Variants in MEOX2 observed in about 807,000 individuals in gnomAD.
The protein encoded by MEOX2 is mesenchyme homeobox 2, also known as homeobox protein MOX-2.
Under a neutral mutation model 27.0 loss-of-function variants are expected in MEOX2, and 11 were observed. That is an observed-to-expected ratio of 0.41 (90% confidence interval 0.26 to 0.68). The LOEUF (loss-of-function observed/expected upper bound fraction) is 0.68. Ranked by LOEUF, MEOX2 falls within the 30% of genes least tolerant of loss-of-function variation. The pLI is 0.33. For missense variants in MEOX2, 436 were observed against 385.4 expected, an observed-to-expected ratio of 1.13 and a Z score of -1.10; for synonymous variants, 189 against 155.4, an observed-to-expected ratio of 1.22 and a Z score of -1.61.
intron 1 of MEOX2, chr7:15,679,410 A>G (rs1341587791): frequency 6.6e-6 from 1 of 152,148 alleles, no homozygotes; most frequent in Non-Finnish European, 1.5e-5. Flanking sequence ...AATGTAGCCT[A>G]TGCAAGCTTT....
At chr7:15,681,655 A>G (rs1169509082) in intron 1 of MEOX2, 1 of 151,742 alleles carries the variant, frequency 6.6e-6, no homozygotes, top group Non-Finnish European at 1.5e-5. Context: ...TGAACGGTCT[A>G]TGTTTTGAAA....
chr7:15,628,848 G>T (rs1056963844), intron 1 of MEOX2, among the ~76,000 whole-genome samples: 1 of 152,008 alleles, frequency 6.6e-6, no homozygotes, highest in African/African-American at 2.4e-5. Context: ...AAACTTTTCC[G>T]TGGGCTGTTC....
chr7:15,667,021 G>A (rs1782018695), intron 1 of MEOX2, among the ~76,000 whole-genome samples: 1 of 150,862 alleles, frequency 6.6e-6, no homozygotes, highest in South Asian at 2.1e-4. Flanking sequence ...GCTGGGTGCA[G>A]TGGCTCACAC....
rs755907175 is a variant in MEOX2 at position 15,612,439 on chromosome 7, G to A, written c.863C>T (p.Ala288Val). ...ATLQQTGDSIANEDSHDSDHS... is the reference protein window; with the variant it reads ...ATLQQTGDSIVNEDSHDSDHS... ...GTCACTGTCGTGACTGTCTTCATTT[G>A]CTATAGAGTCCCCTGTTTGCTGGAG... Residue 288 changes from alanine to valine, a missense_variant, in exon 3 of 3, where the codon GCA (alanine) becomes GTA (valine). Ala to Val is a moderately conservative substitution (Grantham distance 64). Transcript: ENST00000262041. 3 of 1,614,124 alleles carry A rather than the reference G, an allele frequency of 1.9e-6. No individual in the cohort carries two copies. The highest frequency in any genetic ancestry group is 1.7e-4 in the Middle Eastern group (1 of 6,058).
chr7:15,644,024 C>T (rs544927068), intron 1 of MEOX2, among the ~76,000 whole-genome samples: 2 of 152,114 alleles, frequency 1.3e-5, no homozygotes, highest in Non-Finnish European at 2.9e-5. Flanking sequence ...GAAGGCAAGG[C>T]AATATGTGTT....
intron 1 of MEOX2, among the ~76,000 whole-genome samples, chr7:15,640,478 G>A (rs73288106): frequency 0.025 from 3,868 of 152,144 alleles, 165 homozygotes; most frequent in African/African-American, 0.088. Context: ...AGTAAACAGA[G>A]GTAAATTGAC....
intron 2 of MEOX2, among the ~76,000 whole-genome samples, chr7:15,617,826 TC>T (rs1428356861): frequency 2.6e-5 from 4 of 152,102 alleles, no homozygotes; most frequent in African/African-American, 7.2e-5. Context: ...TTTTTCTATT[TC>T]CAAGTCTTGT....
At chr7:15,677,654 G>GGTCC (rs1782220475) in intron 1 of MEOX2, 1 of 152,172 alleles carries the variant, frequency 6.6e-6, no homozygotes. Flanking sequence ...TCTGGTAAGA[G>GGTCC]GTCCCTGCAT....
chr7:15,673,587 A>T (rs1782141854), intron 1 of MEOX2, among the ~76,000 whole-genome samples: 1 of 132,174 alleles, frequency 7.6e-6, no homozygotes, highest in Admixed American at 8.1e-5. Flanking sequence ...ATAGACATAA[A>T]CAAGTCTATC....
At chr7:15,667,289 C>CAAAAAAAAAA (rs532691969) in intron 1 of MEOX2, among the ~76,000 whole-genome samples, 3,599 of 40,764 alleles carry the variant, frequency 0.088, 735 homozygotes, top group African/African-American at 0.094. Context: ...GACTCTGTCT[C>CAAAAAAAAAA]AAAAAAAAAA....
intron 1 of MEOX2, among the ~76,000 whole-genome samples, chr7:15,675,352 A>G (rs568261188): frequency 6.6e-6 from 1 of 152,338 alleles, no homozygotes; most frequent in South Asian, 2.1e-4. Flanking sequence ...GTAATCATGA[A>G]ATCAGATTCT....
chr7:15,647,490 G>A (rs999574941), intron 1 of MEOX2, among the ~76,000 whole-genome samples: 3 of 152,108 alleles, frequency 2.0e-5, no homozygotes, highest in Admixed American at 6.5e-5. Context: ...CAATTTCTTT[G>A]TCTTCTCATA....
rs1413092367 is a variant in MEOX2 at position 15,685,784 on chromosome 7, T to C, written c.517+102A>G. 7 of 1,451,266 alleles carry C rather than the reference T, an allele frequency of 4.8e-6. No homozygotes were observed. The East Asian group carries it at 1.4e-4, about 28-fold the overall frequency. 89.9% of individuals were successfully genotyped at this position (1,451,266 alleles called of 1,614,324 possible). A position where few individuals can be genotyped will look rare whatever the true frequency, so the allele number is the denominator to read the frequency against. Reference sequence around the variant, plus strand: ...AGCCACAGAGGGCAACACATTCCCATCTTCCCTGCTGCCACCCTCCAGTGC... The same window carrying C: ...AGCCACAGAGGGCAACACATTCCCACCTTCCCTGCTGCCACCCTCCAGTGC... On this transcript the variant is annotated intron_variant, in intron 1 of 2. Transcript: ENST00000262041.
rs141942555 is a variant in MEOX2 at position 15,654,154 on chromosome 7, G to A, written c.518-27236C>T. On this transcript the variant is annotated intron_variant, in intron 1 of 2. Coordinates refer to ENST00000262041, the MANE Select transcript of MEOX2 (RefSeq NM_005924.5). The stretch of plus-strand genomic sequence containing the variant: ...TAGATTTATACCTAAGATATTTCTG[G>A]TTGAGCTATTGGAGCTCGAATTGTG... Among the ~76,000 whole-genome samples the A allele has an allele frequency of 7.2e-3, 1,095 of 152,002 alleles. 9 individuals are homozygous for A. Among genetic ancestry groups the A allele is most frequent in the African/African-American group, 0.025 (1,045 of 41,532 alleles).
intron 1 of MEOX2, among the ~76,000 whole-genome samples, chr7:15,676,434 A>G (rs1782193093): frequency 6.6e-6 from 1 of 152,212 alleles, no homozygotes; most frequent in Non-Finnish European, 1.5e-5. Flanking sequence ...AGTTTCTAAC[A>G]TAGCAGGAAA....
chr7:15,675,049 TA>T (rs1470219090), intron 1 of MEOX2, among the ~76,000 whole-genome samples: 1 of 152,150 alleles, frequency 6.6e-6, no homozygotes, highest in Non-Finnish European at 1.5e-5. Flanking sequence ...GCAAATACAA[TA>T]TAGGTAATGC....
At chr7:15,625,185 C>G (rs112618560) in intron 2 of MEOX2, among the ~76,000 whole-genome samples, 1 of 152,122 alleles carries the variant, frequency 6.6e-6, no homozygotes, top group African/African-American at 2.4e-5. Context: ...TTCACCATCT[C>G]TATATAAGAA....
chr7:15,677,327 T>G (rs1279833592), intron 1 of MEOX2: 1 of 152,190 alleles, frequency 6.6e-6, no homozygotes, highest in Non-Finnish European at 1.5e-5. Context: ...CAATTTCCTT[T>G]TCAGAAACGA....
chr7:15,665,721 G>A (rs964756641), intron 1 of MEOX2, among the ~76,000 whole-genome samples: 4 of 152,134 alleles, frequency 2.6e-5, no homozygotes, highest in Admixed American at 2.6e-4. Flanking sequence ...TTCAGATCAA[G>A]TGGACATCAG....
Sources: gnomAD v4.1 joint callset for allele counts (sites outside exome capture counted in the v4.1 genomes callset) on GRCh38, gnomAD v4.1.1 for gene constraint, MANE v1.5 for transcripts, NCBI Gene and HGNC (gene_info 2026-07-23, HGNC 2026-07-21) for gene names.